Variants in UNC13C observed in about 807,000 individuals in gnomAD.
The protein encoded by UNC13C is unc-13 homolog C.
A neutral mutation model predicts 245.4 loss-of-function variants in UNC13C; 174 were observed. The ratio of observed to expected loss-of-function variants is 0.71; its 90% CI spans 0.63 to 0.80. The LOEUF is 0.80. Ranked by LOEUF, UNC13C falls within the 30% of genes least tolerant of loss-of-function variation. The pLI is 0.00. For synonymous variants in UNC13C, 992 were observed against 895.1 expected (o/e 1.11, Z -1.93); for missense variants, 2,829 against 2,602.9 (o/e 1.09, Z -1.89).
intron 24 of UNC13C, among the ~76,000 whole-genome samples, chr15:54,517,149 C>T (rs936930596): frequency 3.3e-5 from 5 of 151,952 alleles, no homozygotes; most frequent in African/African-American, 9.7e-5. Context: ...ATCTGTCTCA[C>T]CTTTTCTTCT....
Position 54,438,315 on chromosome 15 carries a change from TA to T in UNC13C, c.4933+23251del, listed in dbSNP as rs150604806. Among the ~76,000 whole-genome samples the T allele has an allele frequency of 6.3e-3, 952 of 152,070 alleles. 14 individuals carry two copies. The highest frequency in any genetic ancestry group is 0.022 in the African/African-American group (918 of 41,526). On this transcript the variant is annotated intron_variant, in intron 19 of 32. Transcript: ENST00000260323. The stretch of plus-strand genomic sequence containing the variant: ...CCTCTACTAAAATATGGATGGAATA[TA>T]AAGACGCCCAACTGTTTGCTCTTCT...
At chr15:53,988,664 C>T (rs1193901757) in intron 1 of UNC13C, among the ~76,000 whole-genome samples, 1 of 151,818 alleles carries the variant, frequency 6.6e-6, no homozygotes, top group Non-Finnish European at 1.5e-5. Flanking sequence ...TGGGTTAGAA[C>T]AGAGAAAAGT....
At chr15:53,945,393 T>C in the UNC13C span, among the ~76,000 whole-genome samples, 3 of 152,198 alleles carry the variant, frequency 2.0e-5, no homozygotes, top group Non-Finnish European at 2.9e-5. Flanking sequence ...ATTTAAGTCT[T>C]TAATTTATTT....
At chr15:54,592,856 G>GT (rs930784490) in intron 30 of UNC13C, among the ~76,000 whole-genome samples, 13 of 103,480 alleles carry the variant, frequency 1.3e-4, no homozygotes, top group Non-Finnish European at 6.1e-5. Flanking sequence ...TGTGTACTTT[G>GT]TTTTTTGTTT....
chr15:54,465,214 G>T (rs900286322), intron 19 of UNC13C, among the ~76,000 whole-genome samples: 1 of 152,034 alleles, frequency 6.6e-6, no homozygotes, highest in African/African-American at 2.4e-5. Context: ...AATGAACTGT[G>T]CTAGTGTATG....
chr15:54,207,130 G>GATGGTGA (rs1567097820), intron 4 of UNC13C, among the ~76,000 whole-genome samples: 2 of 150,608 alleles, frequency 1.3e-5, no homozygotes, highest in African/African-American at 4.9e-5. Context: ...GATGATGATG[G>GATGGTGA]TGATGATGAT....
At chr15:53,842,093 G>C in the UNC13C span, among the ~76,000 whole-genome samples, 1 of 152,146 alleles carries the variant, frequency 6.6e-6, no homozygotes, top group Non-Finnish European at 1.5e-5. Context: ...GAAGCTTTCA[G>C]TAAAGTGCTT....
chr15:54,181,876 T>C (rs1053599722), intron 4 of UNC13C, among the ~76,000 whole-genome samples: 1 of 152,008 alleles, frequency 6.6e-6, no homozygotes, highest in Non-Finnish European at 1.5e-5. Context: ...TTTTTTGTAT[T>C]TTGACTTTGT....
At chr15:54,321,910 A>G in intron 13 of UNC13C, 29 bp from the exon 14 acceptor site, 2 of 1,543,280 alleles carry the variant, frequency 1.3e-6, no homozygotes, top group Admixed American at 2.1e-5. Context: ...TTTCTGTCTT[A>G]AAAACACTTT....
intron 4 of UNC13C, among the ~76,000 whole-genome samples, chr15:54,164,038 A>C (rs1411208989): frequency 6.6e-6 from 1 of 152,168 alleles, no homozygotes; most frequent in Non-Finnish European, 1.5e-5. Flanking sequence ...ACAGAAAAAA[A>C]GGGTAACTCT....
intron 2 of UNC13C, among the ~76,000 whole-genome samples, chr15:54,113,410 C>G (rs2029966662): frequency 6.6e-6 from 1 of 152,090 alleles, no homozygotes; most frequent in African/African-American, 2.4e-5. Context: ...AGAGTGGCAA[C>G]TGGAACAAAG....
At chr15:53,931,898 GA>G in the UNC13C span, among the ~76,000 whole-genome samples, 2 of 152,140 alleles carry the variant, frequency 1.3e-5, no homozygotes, top group African/African-American at 2.4e-5. Flanking sequence ...TACCAAAATG[GA>G]AATGATTAAG....
intron 2 of UNC13C, among the ~76,000 whole-genome samples, chr15:54,087,174 A>G (rs1300498693): frequency 2.0e-5 from 3 of 152,154 alleles, no homozygotes; most frequent in African/African-American, 7.2e-5. Context: ...TTTCACTTGA[A>G]GCATTATTTT....
chr15:54,169,284 T>C (rs983340487), intron 4 of UNC13C, among the ~76,000 whole-genome samples: 2 of 152,236 alleles, frequency 1.3e-5, no homozygotes, highest in African/African-American at 4.8e-5. Flanking sequence ...CTGATGGCTA[T>C]ACGTTTACAT....
chr15:54,434,493 C>G (rs1434140131), intron 19 of UNC13C, among the ~76,000 whole-genome samples: 1 of 151,990 alleles, frequency 6.6e-6, no homozygotes, highest in Non-Finnish European at 1.5e-5. Context: ...AAAGTGTTCC[C>G]TATTTAATAA....
intron 2 of UNC13C, among the ~76,000 whole-genome samples, chr15:54,075,224 G>C (rs1215100738): frequency 6.6e-6 from 1 of 152,104 alleles, no homozygotes; most frequent in African/African-American, 2.4e-5. Context: ...GGTGGCTCAT[G>C]CCTGTAATCC....
chr15:54,375,816 A>G (rs1373265568), intron 17 of UNC13C, among the ~76,000 whole-genome samples: 3 of 152,228 alleles, frequency 2.0e-5, no homozygotes, highest in Non-Finnish European at 4.4e-5. Flanking sequence ...GCCCCCTGAA[A>G]CATAGAGCAG....
At chr15:54,288,025 A>G (rs938590888) in intron 10 of UNC13C, among the ~76,000 whole-genome samples, 1 of 152,170 alleles carries the variant, frequency 6.6e-6, no homozygotes, top group Non-Finnish European at 1.5e-5. Context: ...GACACAAATT[A>G]AACACTATGT....
chr15:54,224,251 A>G lies in UNC13C; in HGVS notation c.3072-10779A>G, dbSNP rs183750925. 1.1e-4 allele frequency among the ~76,000 whole-genome samples: 16 copies of G among 152,190 alleles called. No homozygotes were observed. The East Asian group carries it at 2.9e-3, about 28-fold the overall frequency. On this transcript the variant is annotated intron_variant, in intron 4 of 32. Coordinates refer to ENST00000260323, the MANE Select transcript of UNC13C (RefSeq NM_001080534.3). ...GGTTTTCAGTTTTTCCCCATTCAGT[A>G]TGTTACTAGCTGTGTGTCTGTTGTA...
Sources: gnomAD v4.1 joint callset for allele counts (sites outside exome capture counted in the v4.1 genomes callset) on GRCh38, gnomAD v4.1.1 for gene constraint, MANE v1.5 for transcripts, NCBI Gene and HGNC (gene_info 2026-07-23, HGNC 2026-07-21) for gene names.